Variants in MAN1B1 observed in about 807,000 individuals in gnomAD.
The protein encoded by MAN1B1 is mannosidase alpha class 1B member 1.
MAN1B1 carries 66 observed loss-of-function variants against 75.5 expected under a neutral mutation model. The ratio of observed to expected loss-of-function variants is 0.87; its 90% CI spans 0.72 to 1.07. The LOEUF is 1.07. MAN1B1 is among the 50% of genes least tolerant of loss of function. MAN1B1 has a pLI of 0.00. For synonymous variants in MAN1B1, 453 were observed against 382.8 expected, an observed-to-expected ratio of 1.18 and a Z score of -2.14; for missense variants, 973 against 912.5, an observed-to-expected ratio of 1.07 and a Z score of -0.85.
chr9:137,087,305 G>A (rs1052453573), intron 1 of MAN1B1, 87 bp downstream of exon 1: 2 of 1,438,528 alleles, frequency 1.4e-6, no homozygotes, highest in African/African-American at 1.4e-5. Context: ...ACCTGGGCGG[G>A]CGGACTCGAC....
At chr9:137,107,157 A>G in intron 10 of MAN1B1, 93 bp from the exon 11 acceptor site, 1 of 1,376,940 alleles carries the variant, frequency 7.3e-7, no homozygotes, top group African/African-American at 1.4e-5. Context: ...ACCAGGGCCG[A>G]GGCAGCGCTG....
intron 3 of MAN1B1, among the ~76,000 whole-genome samples, chr9:137,091,725 A>G (rs1471091581): frequency 1.4e-4 from 21 of 151,470 alleles, no homozygotes; most frequent in Admixed American, 1.4e-3. Context: ...ACGGGGTTTC[A>G]CCGTGTTAGC....
intron 3 of MAN1B1, among the ~76,000 whole-genome samples, chr9:137,095,978 TGA>T (rs1830640489): frequency 1.3e-5 from 2 of 151,960 alleles, no homozygotes; most frequent in African/African-American, 4.8e-5. Context: ...TTAGGACCTG[TGA>T]GAGTTTGGAA....
In MAN1B1 at chr9:137,088,066, C is replaced by G; in HGVS notation, c.220-9C>G. The G allele has an allele frequency of 6.2e-7, 1 of 1,601,670 alleles. No homozygotes were observed. Reference sequence around the variant, plus strand: ...CAGTAAGAAATGTCATTCTCTGTACCTCCCTTAGAAATGGAAGCAACTGTC... The same window carrying G: ...CAGTAAGAAATGTCATTCTCTGTACGTCCCTTAGAAATGGAAGCAACTGTC... On this transcript the variant is annotated splice_polypyrimidine_tract_variant and intron_variant, in intron 1 of 12. Transcript: ENST00000371589.
At chr9:137,089,120 T>G in intron 3 of MAN1B1, 115 bp downstream of exon 3, 2 of 1,322,462 alleles carry the variant, frequency 1.5e-6, no homozygotes, top group Non-Finnish European at 2.2e-6. Flanking sequence ...CGTGTTTACC[T>G]CTCTCTCGTT....
In MAN1B1 at chr9:137,106,662, G is replaced by C. The variant is rs1434404189; in HGVS notation, c.1446-27G>C. 2.3e-5 allele frequency: 37 copies of C among 1,612,922 alleles called. 1 individual carries two copies. The Admixed American group carries it at 6.0e-4, about 26-fold the overall frequency. ...CGGGAGCCGATGCACCGTCCTGGTA[G>C]AGTGAGATGACTGCTGGTGTCCACA... On this transcript the variant is annotated intron_variant, in intron 9 of 12. Coordinates refer to ENST00000371589, the MANE Select transcript of MAN1B1 (RefSeq NM_016219.5).
Position 137,089,020 on chromosome 9 carries a change from T to C in MAN1B1, c.465+15T>C. ...TTTCGTCACAGGTACTTTGAGCAAA[T>C]GGTGTGGGGTTATAACTGGGGTTCA... On this transcript the variant is annotated intron_variant, in intron 3 of 12. Coordinates refer to ENST00000371589, the MANE Select transcript of MAN1B1 (RefSeq NM_016219.5). The C allele has an allele frequency of 2.5e-6, 4 of 1,613,832 alleles. No individual in the cohort carries two copies. Among genetic ancestry groups the C allele is most frequent in the South Asian group, 2.2e-5 (2 of 91,080 alleles).
At position 137,100,009 on chromosome 9, in the gene MAN1B1, G is replaced by T. The variant is rs527343621; in HGVS notation, c.916+128G>T. The T allele has an allele frequency of 6.4e-4, 696 of 1,092,100 alleles. 9 individuals carry two copies. In the South Asian group the frequency reaches 8.8e-3, roughly 14 times the overall value. 67.7% of individuals were successfully genotyped at this position (1,092,100 alleles called of 1,614,324 possible). On this transcript the variant is annotated intron_variant, in intron 6 of 12. Coordinates refer to ENST00000371589, the MANE Select transcript of MAN1B1 (RefSeq NM_016219.5). ...GACCATGGGTTTTCCCTTCTCCTGG[G>T]TGCGGGAGTGGACGTGTTGGCTGTG...
rs797045687 is a variant in MAN1B1, at chr9:137,107,649, G to T, written c.1883G>T (p.Ser628Ile). The change falls in exon 12 of 13, where the codon AGC (serine) becomes ATC (isoleucine). Residue 628 changes from serine to isoleucine, a missense_variant. Physicochemically the swap from Ser to Ile is moderately radical, Grantham distance 142. Transcript: ENST00000371589. ...GGCTGGGAGATTCTGCAGAGCTTCA[G>T]CCGATTCACACGGGTGAGCACCTGT... ...DWGWEILQSF[S>I]RFTRVPSGGY... The T allele has an allele frequency of 6.2e-7, 1 of 1,609,732 alleles. No individual in the cohort carries two copies. Among genetic ancestry groups the T allele is most frequent in the Non-Finnish European group, 8.5e-7 (1 of 1,179,954 alleles).
chr9:137,087,199 G>A lies in MAN1B1; in HGVS notation c.200G>A (p.Arg67Gln), dbSNP rs1161125278. Residue 67 changes from arginine to glutamine, a missense_variant, in exon 1 of 13, where the codon CGG (arginine) becomes CAG (glutamine). Coordinates refer to ENST00000371589, the MANE Select transcript of MAN1B1 (RefSeq NM_016219.5). Reference sequence around the variant, plus strand: ...AACTATGACAACAGCAAGAGTTGGCGGCGGCGCTCGTGCTGGAGGGTGAGG... The same window carrying A: ...AACTATGACAACAGCAAGAGTTGGCAGCGGCGCTCGTGCTGGAGGGTGAGG... ...GENYDNSKSW[R>Q]RRSCWRKWKQ... 1 of 1,583,406 alleles carries A rather than the reference G, an allele frequency of 6.3e-7. No individual in the cohort carries two copies. Among genetic ancestry groups the A allele is most frequent in the Non-Finnish European group, 8.6e-7 (1 of 1,165,354 alleles).
chr9:137,099,950 G>T, intron 6 of MAN1B1, 69 bp downstream of exon 6: 1 of 1,562,114 alleles, frequency 6.4e-7, no homozygotes. Context: ...CAGAGTGTGG[G>T]TTGCACACGG....
intron 1 of MAN1B1, 60 bp downstream of exon 1, chr9:137,087,278 C>T (rs1262617555): frequency 6.6e-7 from 1 of 1,526,154 alleles, no homozygotes; most frequent in African/African-American, 1.4e-5. Context: ...CCCTCCCAGA[C>T]TGCGGCTCCG....
rs376702721 is a variant in MAN1B1, at chr9:137,087,663, G to T, written c.220-412G>T. The T allele has an allele frequency of 8.5e-4, 345 of 404,262 alleles. 1 individual carries two copies. Among genetic ancestry groups the T allele is most frequent in the African/African-American group, 6.6e-3 (322 of 48,788 alleles). 25.0% of individuals were successfully genotyped at this position (404,262 alleles called of 1,614,324 possible). A position where few individuals can be genotyped will look rare whatever the true frequency, so the allele number is the denominator to read the frequency against. On this transcript the variant is annotated intron_variant, in intron 1 of 12. Transcript: ENST00000371589. ...GATAACCACATGCGGACTGTGCATC[G>T]CCTGGGCGGTGCCTGGGCTACATCT...
At chr9:137,089,227 CTG>C in intron 3 of MAN1B1, 2 of 619,950 alleles carry the variant, frequency 3.2e-6, no homozygotes, top group Non-Finnish European at 5.8e-6. Flanking sequence ...TTACTTCTGA[CTG>C]TGCAGTGTTG....
intron 1 of MAN1B1, 48 bp from the exon 2 acceptor site, chr9:137,088,027 C>A: frequency 1.4e-6 from 2 of 1,379,482 alleles, no homozygotes; most frequent in Non-Finnish European, 2.1e-6. Context: ...TTGAGACGTT[C>A]CGTGTGATAT....
Position 137,087,071 on chromosome 9 carries a change from G to A in MAN1B1, c.72G>A (p.Val24=). ...AGTCGGACTTCCTGACGCCGCCAGT[G>A]GGCGGGGCCCCTTGGGCCGTCGCCA... ...SSQSDFLTPP[V]GGAPWAVATT... The change falls in exon 1 of 13, where the codon GTG becomes GTA. Residue 24 remains valine, a synonymous_variant. Coordinates refer to ENST00000371589, the MANE Select transcript of MAN1B1 (RefSeq NM_016219.5). 1.2e-6 allele frequency: 2 copies of A among 1,603,400 alleles called. No individual in the cohort carries two copies. Among genetic ancestry groups the A allele is most frequent in the Admixed American group, 1.7e-5 (1 of 58,572 alleles).
At chr9:137,091,975 G>C (rs1330790760) in intron 3 of MAN1B1, among the ~76,000 whole-genome samples, 1 of 152,192 alleles carries the variant, frequency 6.6e-6, no homozygotes, top group Non-Finnish European at 1.5e-5. Context: ...AATGTTATAG[G>C]GGCTTAGGAG....
chr9:137,088,663 C>G, intron 2 of MAN1B1: 2 of 715,892 alleles, frequency 2.8e-6, no homozygotes, highest in Non-Finnish European at 4.6e-6. Context: ...ATGTGGGGTT[C>G]TGTGTTATGG....
At chr9:137,107,714 G>T (rs372763185) in intron 12 of MAN1B1, 52 bp downstream of exon 12, 68 of 1,610,324 alleles carry the variant, frequency 4.2e-5, no homozygotes, top group Non-Finnish European at 5.7e-5. Flanking sequence ...CCACAGGCAC[G>T]GCTGGGCTGT....
Sources: gnomAD v4.1 joint callset for allele counts (sites outside exome capture counted in the v4.1 genomes callset) on GRCh38, gnomAD v4.1.1 for gene constraint, MANE v1.5 for transcripts, NCBI Gene and HGNC (gene_info 2026-07-23, HGNC 2026-07-21) for gene names.